Variants in HIBCH observed in about 807,000 individuals in gnomAD.
The protein encoded by HIBCH is 3-hydroxyisobutyryl-CoA hydrolase, mitochondrial.
In HIBCH, 50 loss-of-function variants were observed where a neutral mutation model predicts 58.2. The ratio of observed to expected loss-of-function variants is 0.86; its 90% confidence interval spans 0.68 to 1.09. The LOEUF (loss-of-function observed/expected upper bound fraction) is 1.09, where lower values mean the gene tolerates loss of function less well. Among genes scored for constraint, HIBCH ranks in the 50% least tolerant of loss-of-function variants. HIBCH has a pLI of 0.00. For missense variants in HIBCH, 450 were observed against 449.7 expected (o/e 1.00, Z -0.01); for synonymous variants, 151 against 146.9 (o/e 1.03, Z -0.20).
At position 190,236,753 on chromosome 2, in the gene HIBCH, T is replaced by C. The variant is rs1214798333; in HGVS notation, c.891+8134A>G. 1.3e-5 allele frequency among the ~76,000 whole-genome samples: 2 copies of C among 152,188 alleles called. No individual in the cohort carries two copies. Among genetic ancestry groups the C allele is most frequent in the Non-Finnish European group, 2.9e-5 (2 of 68,028 alleles). ...CTTTTGCAACCTGATCTTAAGACTT[T>C]TCTGGTAATTTCTTAAAGGCATTAA... On this transcript the variant is annotated intron_variant, in intron 11 of 13. Transcript: ENST00000359678. This position sits in a 1 kb window ranked among gnomAD's most constrained non-coding sequence, Gnocchi z 4.1.
intron 2 of HIBCH, among the ~76,000 whole-genome samples, chr2:190,298,716 T>C (rs761753989): frequency 1.3e-5 from 2 of 152,166 alleles, no homozygotes; most frequent in African/African-American, 4.8e-5. Context: ...CTGATGATAG[T>C]TTCTTTTGTG....
intron 7 of HIBCH, chr2:190,260,303 C>G (rs1164780391): frequency 6.6e-6 from 1 of 152,014 alleles, no homozygotes; most frequent in Non-Finnish European, 1.5e-5. Flanking sequence ...TCAAAAATAT[C>G]ATTAATATGA....
In HIBCH at chr2:190,301,934, C is replaced by CT. The variant is rs1688274090; in HGVS notation, c.79-4982dup. Among the ~76,000 whole-genome samples, 2 of 152,184 alleles carry CT rather than the reference C, an allele frequency of 1.3e-5. 1 individual carries two copies. Among genetic ancestry groups the CT allele is most frequent in the South Asian group, 4.1e-4 (2 of 4,834 alleles). On this transcript the variant is annotated intron_variant, in intron 2 of 13. Coordinates refer to ENST00000359678, the MANE Select transcript of HIBCH (RefSeq NM_014362.4). ...TACCACTTCCCAAAAAGCCCCACCT[C>CT]TTAATACCATCACATTTGGTATTAG...
intron 8 of HIBCH, among the ~76,000 whole-genome samples, chr2:190,251,243 T>C (rs1016426952): frequency 1.3e-5 from 2 of 152,196 alleles, no homozygotes; most frequent in African/African-American, 4.8e-5. Context: ...CCTTGCCGTA[T>C]CCTAAAACAC....
chr2:190,244,835 T>G (rs1686558120), intron 11 of HIBCH, 52 bp downstream of exon 11: 1 of 1,147,640 alleles, frequency 8.7e-7, no homozygotes, highest in Non-Finnish European at 1.3e-6. Flanking sequence ...GAGGCTTCCC[T>G]GTCACCGGAC....
rs1685606228 is a variant in HIBCH, at chr2:190,217,937, G to A, written c.892-4862C>T. Among the ~76,000 whole-genome samples, 1 of 152,204 alleles carries A rather than the reference G, an allele frequency of 6.6e-6. No homozygotes were observed. The highest frequency in any genetic ancestry group is 1.5e-5 in the Non-Finnish European group (1 of 68,038). ...CTAAGGAAAACCTAAAGGAAGCTAT[G>A]AGCAGGCTCCGTCATTGGGGGTGGA... On this transcript the variant is annotated intron_variant, in intron 11 of 13. Transcript: ENST00000359678. This position sits in a 1 kb window ranked among gnomAD's most constrained non-coding sequence, Gnocchi z 4.6.
At chr2:190,227,647 T>C (rs1685949863) in intron 11 of HIBCH, among the ~76,000 whole-genome samples, 1 of 152,018 alleles carries the variant, frequency 6.6e-6, no homozygotes, top group Non-Finnish European at 1.5e-5. Context: ...ATTTTTACAA[T>C]CTACCCATCT....
rs1270626702 is a variant in HIBCH at position 190,236,450 on chromosome 2, T to C, written c.891+8437A>G. Among the ~76,000 whole-genome samples the C allele has an allele frequency of 1.3e-5, 2 of 152,212 alleles. No homozygotes were observed. The highest frequency in any genetic ancestry group is 4.8e-5 in the African/African-American group (2 of 41,460). On this transcript the variant is annotated intron_variant, in intron 11 of 13. Coordinates refer to ENST00000359678, the MANE Select transcript of HIBCH (RefSeq NM_014362.4). The surrounding 1 kb of genome is among the most constrained non-coding windows in gnomAD (Gnocchi z 4.1). ...CTGTAAATATTTTTCTAAGTAATCA[T>C]CTTAAACCTTACAAACATATATCTA...
chr2:190,211,699 T>C lies in HIBCH; in HGVS notation c.1011+1257A>G, dbSNP rs142890746. 6.6e-6 allele frequency among the ~76,000 whole-genome samples: 1 copy of C among 152,324 alleles called. No homozygotes were observed. The highest frequency in any genetic ancestry group is 1.5e-5 in the Non-Finnish European group (1 of 68,030). On this transcript the variant is annotated intron_variant, in intron 12 of 13. Transcript: ENST00000359678. The surrounding 1 kb of genome is among the most constrained non-coding windows in gnomAD (Gnocchi z 5.0). ...TCTTCTATCACCAACCCTGTATGTT[T>C]TCCTTTAGAGTACTTATCACAATTT...
At chr2:190,222,836 G>A (rs1214544888) in intron 11 of HIBCH, among the ~76,000 whole-genome samples, 1 of 152,186 alleles carries the variant, frequency 6.6e-6, no homozygotes, top group Middle Eastern at 3.2e-3. Context: ...GTTTATTGCA[G>A]CACTATGCAA....
intron 6 of HIBCH, among the ~76,000 whole-genome samples, chr2:190,275,229 G>A (rs1575742314): frequency 1.3e-5 from 2 of 152,110 alleles, no homozygotes; most frequent in Admixed American, 1.3e-4. Flanking sequence ...GAGGAGAGAA[G>A]AACCTAAAAT....
Position 190,254,205 on chromosome 2 carries a change from T to A in HIBCH, c.518-1898A>T, listed in dbSNP as rs1686859837. Among the ~76,000 whole-genome samples, 1 of 152,136 alleles carries A rather than the reference T, an allele frequency of 6.6e-6. No homozygotes were observed. The highest frequency in any genetic ancestry group is 1.5e-5 in the Non-Finnish European group (1 of 68,020). On this transcript the variant is annotated intron_variant, in intron 7 of 13. Transcript: ENST00000359678. This position sits in a 1 kb window ranked among gnomAD's most constrained non-coding sequence, Gnocchi z 5.0. ...TGTAACTGCATTTGGAAGCAGGGCC[T>A]TTGAAGAGGTAATTAAGTTTAAGTG...
At chr2:190,317,109 C>T (rs545481144) in intron 1 of HIBCH, among the ~76,000 whole-genome samples, 4 of 152,140 alleles carry the variant, frequency 2.6e-5, no homozygotes, top group South Asian at 2.1e-4. Context: ...TTTGTAGAAA[C>T]GGGGTCTTGC....
chr2:190,226,594 TCAAAAAAAAAAA>T (rs375796910), intron 11 of HIBCH, among the ~76,000 whole-genome samples: 6 of 89,858 alleles, frequency 6.7e-5, no homozygotes, highest in Non-Finnish European at 9.9e-5. Flanking sequence ...AAACTCCGTC[TCAAAAAAAAAAA>T]AAAAAAAAAA....
intron 5 of HIBCH, among the ~76,000 whole-genome samples, 183 bp from the exon 6 acceptor site, chr2:190,287,821 C>T (rs1687869124): frequency 6.6e-6 from 1 of 152,076 alleles, no homozygotes; most frequent in Non-Finnish European, 1.5e-5. Context: ...CAACACAATC[C>T]TATCTATTCA....
At chr2:190,221,362 T>C (rs1365270979) in intron 11 of HIBCH, among the ~76,000 whole-genome samples, 2 of 152,212 alleles carry the variant, frequency 1.3e-5, no homozygotes, top group Non-Finnish European at 2.9e-5. Flanking sequence ...AAAAATGATA[T>C]GGCAGTGCAT....
chr2:190,317,828 C>CT (rs1240933820), intron 1 of HIBCH, among the ~76,000 whole-genome samples: 2,235 of 142,426 alleles, frequency 0.016, 35 homozygotes, highest in African/African-American at 0.05. Context: ...TCCTTTTTTC[C>CT]TTTTTTTTTT....
At chr2:190,318,265 A>G (rs1022024558) in intron 1 of HIBCH, among the ~76,000 whole-genome samples, 4 of 151,612 alleles carry the variant, frequency 2.6e-5, no homozygotes, top group Non-Finnish European at 5.9e-5. Flanking sequence ...AAAAAAAAAA[A>G]GTCCAAGAGC....
chr2:190,297,948 C>T (rs1362874299), intron 2 of HIBCH, among the ~76,000 whole-genome samples: 16 of 115,558 alleles, frequency 1.4e-4, no homozygotes, highest in Non-Finnish European at 2.1e-4. Flanking sequence ...ATGTTCCTTT[C>T]CCCGTGTCTG....
Sources: allele counts gnomAD v4.1 joint callset (sites outside exome capture counted in the v4.1 genomes callset), GRCh38; gene constraint gnomAD v4.1.1; non-coding constraint Gnocchi (gnomAD v3.1); transcripts MANE v1.5; gene names NCBI Gene and HGNC (gene_info 2026-07-23, HGNC 2026-07-21).